RANBP2: variants seen among roughly 807,000 people sequenced by gnomAD.
The protein encoded by RANBP2 is E3 SUMO-protein ligase RanBP2.
RANBP2 carries 57 observed loss-of-function variants against 303.6 expected under a neutral mutation model. The ratio of observed to expected loss-of-function variants is 0.19; its 90% CI spans 0.15 to 0.23. The LOEUF is 0.23. Ranked by LOEUF, RANBP2 falls within the 10% of genes least tolerant of loss-of-function variation. RANBP2 has a pLI of 1.00. For synonymous variants in RANBP2, 1,167 were observed against 1,301.5 expected (o/e 0.90, Z 2.23); for missense variants, 3,138 against 3,780.8 (o/e 0.83, Z 4.46).
chr2:109,665,965 G>A, the RANBP2 span, among the ~76,000 whole-genome samples: 1 of 151,864 alleles, frequency 6.6e-6, no homozygotes, highest in Admixed American at 6.6e-5. Context: ...TACAAAATTA[G>A]CTGGGTGTGG....
the RANBP2 span, among the ~76,000 whole-genome samples, chr2:109,467,291 G>A: frequency 6.6e-6 from 1 of 152,250 alleles, no homozygotes; most frequent in African/African-American, 2.4e-5. Context: ...CTGCAAAGGG[G>A]CACCACCCAG....
At chr2:109,331,175 C>T in the RANBP2 span, among the ~76,000 whole-genome samples, 1 of 152,156 alleles carries the variant, frequency 6.6e-6, no homozygotes, top group Non-Finnish European at 1.5e-5. Flanking sequence ...GATCTGTTCC[C>T]TGGAGCATGG....
At chr2:109,005,496 C>T in the RANBP2 span, among the ~76,000 whole-genome samples, 1 of 152,196 alleles carries the variant, frequency 6.6e-6, no homozygotes, top group African/African-American at 2.4e-5. Flanking sequence ...GCCATCTTCC[C>T]TTCCACCCTG....
At chr2:108,824,499 G>A in the RANBP2 span, among the ~76,000 whole-genome samples, 1 of 152,010 alleles carries the variant, frequency 6.6e-6, no homozygotes, top group Non-Finnish European at 1.5e-5. Context: ...AAGGTCTTCG[G>A]GGCAATAACA....
intron 20 of RANBP2, among the ~76,000 whole-genome samples, chr2:108,770,746 TATC>T (rs1369940654): frequency 2.0e-5 from 3 of 152,240 alleles, no homozygotes; most frequent in Non-Finnish European, 2.9e-5. Flanking sequence ...ATGTCCAAAA[TATC>T]ATTTTAACTT....
the RANBP2 span, among the ~76,000 whole-genome samples, chr2:109,311,290 C>G: frequency 1.4e-5 from 1 of 69,584 alleles, no homozygotes; most frequent in African/African-American, 6.6e-5. Flanking sequence ...CAAAATTCAA[C>G]AACCCTTCAT....
chr2:109,076,888 A>G, the RANBP2 span, among the ~76,000 whole-genome samples: 2 of 150,544 alleles, frequency 1.3e-5, no homozygotes, highest in Non-Finnish European at 3.0e-5. Context: ...AAATAGGAAA[A>G]CAATTCTGAA....
At chr2:109,584,384 A>G in the RANBP2 span, among the ~76,000 whole-genome samples, 1 of 150,014 alleles carries the variant, frequency 6.7e-6, no homozygotes, top group African/African-American at 2.4e-5. Context: ...CTGAGGCAGG[A>G]TAACCGCTTG....
At chr2:109,191,121 C>T in the RANBP2 span, among the ~76,000 whole-genome samples, 5 of 151,980 alleles carry the variant, frequency 3.3e-5, no homozygotes, top group South Asian at 6.2e-4. Flanking sequence ...GAGAGAGATC[C>T]AGAGGGACAG....
rs369585628 is a variant in RANBP2 at position 108,740,579 on chromosome 2, G to A, written c.873G>A (p.Met291Ile). Reference sequence around the variant, plus strand: ...TAGAAATGAAAGGACATTTCTACATGCATGCTGGTTCTCTGCTTTTGAAGA... The same window carrying A: ...TAGAAATGAAAGGACATTTCTACATACATGCTGGTTCTCTGCTTTTGAAGA... ...TFLEMKGHFY[M>I]HAGSLLLKMG... Residue 291 changes from methionine to isoleucine, a missense_variant, in exon 7 of 29, where the codon ATG (methionine) becomes ATA (isoleucine). Physicochemically the swap from Met to Ile is conservative, Grantham distance 10. Transcript: ENST00000283195. 51 of 1,597,538 alleles carry A rather than the reference G, an allele frequency of 3.2e-5. No homozygotes were observed. In the African/African-American group the frequency reaches 5.9e-4, roughly 18 times the overall value.
the RANBP2 span, among the ~76,000 whole-genome samples, chr2:109,095,525 G>T: frequency 5.3e-5 from 8 of 152,134 alleles, no homozygotes; most frequent in Non-Finnish European, 1.0e-4. Context: ...GTTTGTGAAG[G>T]GTTGGTCTTG....
chr2:109,725,788 A>C, the RANBP2 span, among the ~76,000 whole-genome samples: 1 of 151,768 alleles, frequency 6.6e-6, no homozygotes, highest in Non-Finnish European at 1.5e-5. Flanking sequence ...GCTGGAGTGC[A>C]GTGGTGTGAT....
chr2:108,967,044 T>C, the RANBP2 span, among the ~76,000 whole-genome samples: 3 of 152,152 alleles, frequency 2.0e-5, no homozygotes, highest in African/African-American at 7.2e-5. Context: ...AAGCAATTCT[T>C]CTGCCTCAGC....
chr2:108,818,685 T>C, the RANBP2 span, among the ~76,000 whole-genome samples: 2 of 152,192 alleles, frequency 1.3e-5, no homozygotes, highest in Non-Finnish European at 2.9e-5. Flanking sequence ...TGTAACCTTA[T>C]CTTAAAATCT....
At chr2:109,384,830 T>C in the RANBP2 span, among the ~76,000 whole-genome samples, 72,090 of 151,762 alleles carry the variant, frequency 0.48, 17,207 homozygotes, top group Middle Eastern at 0.55. Flanking sequence ...GGCCTCAGGG[T>C]AACTCCAACC....
At chr2:109,373,862 G>A in the RANBP2 span, among the ~76,000 whole-genome samples, 4 of 152,260 alleles carry the variant, frequency 2.6e-5, no homozygotes, top group South Asian at 8.3e-4. Context: ...GCTGCGTTGG[G>A]CCCCTCAGCC....
In RANBP2 at chr2:108,746,835, A is replaced by C. The variant is rs993204450; in HGVS notation, c.1063+37A>C. 4 of 614,528 alleles carry C rather than the reference A, an allele frequency of 6.5e-6. No homozygotes were observed. The African/African-American group carries it at 7.5e-5, about 11-fold the overall frequency. The allele number at this position is 614,528 out of a possible 1,614,324, so 38.1% of individuals were successfully genotyped here. A position where few individuals can be genotyped will look rare whatever the true frequency, so the allele number is the denominator to read the frequency against. On this transcript the variant is annotated intron_variant, in intron 8 of 28. Coordinates refer to ENST00000283195, the MANE Select transcript of RANBP2 (RefSeq NM_006267.5). ...ATTAAACTAATTTAATTTAAAAAGA[A>C]AAAGGAATTTCTGTTAAGGCATATC... is the stretch of plus-strand genomic sequence containing the variant.
At chr2:109,493,527 T>C in the RANBP2 span, among the ~76,000 whole-genome samples, 4 of 148,176 alleles carry the variant, frequency 2.7e-5, no homozygotes, top group African/African-American at 1.0e-4. Flanking sequence ...CACCATTGCA[T>C]ACCCACACCC....
At chr2:109,288,815 C>CTTTTTTTTTTTTTTTTTTT in the RANBP2 span, among the ~76,000 whole-genome samples, 3 of 152,136 alleles carry the variant, frequency 2.0e-5, no homozygotes, top group African/African-American at 4.8e-5. Context: ...AAATCACTTT[C>CTTTTTTTTTTTTTTTTTTT]TTATTTAGTA....
Sources: gnomAD v4.1 joint callset for allele counts (sites outside exome capture counted in the v4.1 genomes callset) on GRCh38, gnomAD v4.1.1 for gene constraint, MANE v1.5 for transcripts, NCBI Gene and HGNC (gene_info 2026-07-23, HGNC 2026-07-21) for gene names.